The following EREG variants were observed in gnomAD, a reference collection of about 807,000 sequenced individuals.
EREG encodes the protein proepiregulin.
Under a neutral mutation model 22.4 loss-of-function variants are expected in EREG, and 23 were observed. The ratio of observed to expected loss-of-function variants is 1.03; its 90% CI spans 0.74 to 1.46. EREG has a LOEUF of 1.46. Ranked by LOEUF, EREG falls within the 40% of genes most tolerant of loss-of-function variation. The pLI, the probability that EREG is intolerant of heterozygous loss-of-function variation, is 0.00. For synonymous variants in EREG, 100 were observed against 75.4 expected (o/e 1.33, Z -1.69); for missense variants, 226 against 205.9 (o/e 1.10, Z -0.60).
intron 1 of EREG, among the ~76,000 whole-genome samples, chr4:74,376,290 TC>T (rs981830329): frequency 5.3e-5 from 8 of 152,148 alleles, no homozygotes; most frequent in African/African-American, 1.9e-4. Flanking sequence ...TGCATTTTTT[TC>T]CCCCTGGCTA....
rs567768829 is a variant in EREG at position 74,380,516 on chromosome 4, G to T, written c.155-498G>T. Among the ~76,000 whole-genome samples the T allele has an allele frequency of 2.6e-5, 4 of 152,196 alleles. No homozygotes were observed. In the East Asian group the frequency reaches 7.7e-4, roughly 29 times the overall value. On this transcript the variant is annotated intron_variant, in intron 2 of 4. Transcript: ENST00000244869. ...GGGAGACTGGTTAATTTCATTAATG[G>T]TAACCTCAGCAACTTGAAAACATAC...
In EREG at chr4:74,381,468, C is replaced by A. The variant is rs539023010; in HGVS notation, c.278+331C>A. On this transcript the variant is annotated intron_variant, in intron 3 of 4. Transcript: ENST00000244869. Reference sequence around the variant, plus strand: ...TTTCTATTTTTATATTTTGAAATTACCCTATATTTCCATGGGCTGTTAAAT... The same window carrying A: ...TTTCTATTTTTATATTTTGAAATTAACCTATATTTCCATGGGCTGTTAAAT... The A allele has an allele frequency of 3.0e-5, 5 of 166,192 alleles. No individual in the cohort carries two copies. The South Asian group carries it at 7.5e-4, about 25-fold the overall frequency. The allele number at this position is 166,192 out of a possible 1,614,324, so 10.3% of individuals were successfully genotyped here.
At chr4:74,377,042 CAG>C (rs570831847) in intron 1 of EREG, among the ~76,000 whole-genome samples, 18 of 151,284 alleles carry the variant, frequency 1.2e-4, no homozygotes, top group Non-Finnish European at 2.2e-4. Context: ...TACCAAATTA[CAG>C]AGATAGACAA....
chr4:74,367,843 A>G (rs1453366871), intron 1 of EREG, among the ~76,000 whole-genome samples: 1 of 152,136 alleles, frequency 6.6e-6, no homozygotes, highest in East Asian at 1.9e-4. Flanking sequence ...CAGCTTGGGT[A>G]ATTGGGGTGT....
chr4:74,370,072 C>T (rs12512409), intron 1 of EREG, among the ~76,000 whole-genome samples: 104,085 of 152,034 alleles, frequency 0.68, 37,146 homozygotes, highest in Non-Finnish European at 0.78. Context: ...TTTGAATACG[C>T]TTGTATCCTT....
At position 74,372,974 on chromosome 4, in the gene EREG, ATTTTTTTT is replaced by A. The variant is rs35483998; in HGVS notation, c.68-6456_68-6449del. 2.8e-3 allele frequency among the ~76,000 whole-genome samples: 178 copies of A among 63,162 alleles called. 2 individuals carry two copies. The highest frequency in any genetic ancestry group is 0.01 in the African/African-American group (155 of 14,878). The allele number at this position is 63,162 out of a possible 152,430, so 41.4% of individuals were successfully genotyped here. A position where few individuals can be genotyped will look rare whatever the true frequency, so the allele number is the denominator to read the frequency against. Reference sequence around the variant, plus strand: ...AGGCGCCCACCACCACATCTGGCTAATTTTTTTTTTTTTTTTTTTTTTTTTGGTATTTT... The same window carrying A: ...AGGCGCCCACCACCACATCTGGCTAATTTTTTTTTTTTTTTTTGGTATTTT... On this transcript the variant is annotated intron_variant, in intron 1 of 4. Transcript: ENST00000244869.
chr4:74,369,280 T>G (rs1578816258), intron 1 of EREG, among the ~76,000 whole-genome samples: 1 of 152,104 alleles, frequency 6.6e-6, no homozygotes, highest in Admixed American at 6.6e-5. Flanking sequence ...ATGTGTAGTT[T>G]TTTTTCAATC....
rs1393244897 is a variant in EREG at position 74,387,479 on chromosome 4, T to C, written c.*2671T>C. The stretch of plus-strand genomic sequence containing the variant: ...AAGTCATTTTTGTATTTTTCATCTT[T>C]AAGAATGCTTAAAAAAGCTAATCCC... On this transcript the variant is annotated 3_prime_UTR_variant, in exon 5 of 5. Transcript: ENST00000244869. The C allele has an allele frequency of 6.6e-6, 1 of 152,244 alleles. No individual in the cohort carries two copies. Among genetic ancestry groups the C allele is most frequent in the African/African-American group, 2.4e-5 (1 of 41,456 alleles). The allele number at this position is 152,244 out of a possible 1,614,324, so 9.4% of individuals were successfully genotyped here. A position where few individuals can be genotyped will look rare whatever the true frequency, so the allele number is the denominator to read the frequency against.
chr4:74,376,640 A>G (rs1752386081), intron 1 of EREG, among the ~76,000 whole-genome samples: 1 of 152,226 alleles, frequency 6.6e-6, no homozygotes, highest in South Asian at 2.1e-4. Flanking sequence ...GTAGTTCCAC[A>G]AGAGCAATTG....
intron 1 of EREG, among the ~76,000 whole-genome samples, chr4:74,377,705 A>C (rs1752404215): frequency 6.6e-6 from 1 of 152,232 alleles, no homozygotes; most frequent in African/African-American, 2.4e-5. Context: ...ATCATGGCCG[A>C]AGGCGAAGGG....
chr4:74,382,750 G>A lies in EREG; in HGVS notation c.384G>A (p.Leu128=). The change falls in exon 4 of 5, where the codon TTG becomes TTA. Residue 128 remains leucine, a synonymous_variant. Transcript: ENST00000244869. ...CTTTGACCGTGATTCTTATTATTTT[G>A]TTTCTTATCACAGTCGTCGGTTCCA... ...YVALTVILII[L]FLITVVGSTY... 1 of 1,613,638 alleles carries A rather than the reference G, an allele frequency of 6.2e-7. No individual in the cohort carries two copies. Among genetic ancestry groups the A allele is most frequent in the East Asian group, 2.2e-5 (1 of 44,856 alleles).
At chr4:74,382,622 C>A (rs759423625) in intron 3 of EREG, 23 bp from the exon 4 acceptor site, 10 of 1,551,042 alleles carry the variant, frequency 6.4e-6, no homozygotes, top group African/African-American at 1.4e-5. Flanking sequence ...ACTGATCTTT[C>A]TTTCTTCCGT....
In EREG at chr4:74,386,116, G is replaced by A. The variant is rs1294716507; in HGVS notation, c.*1308G>A. ...CCCATAGGTCTCAGAGAGTTAATAG[G>A]AGTATTTTTGGGCTATTGCATAAGG... is the stretch of plus-strand genomic sequence containing the variant. On this transcript the variant is annotated 3_prime_UTR_variant, in exon 5 of 5. Transcript: ENST00000244869. 3 of 291,996 alleles carry A rather than the reference G, an allele frequency of 1.0e-5. No homozygotes were observed. Among genetic ancestry groups the A allele is most frequent in the Non-Finnish European group, 6.3e-6 (1 of 159,228 alleles). The allele number at this position is 291,996 out of a possible 1,614,324, so 18.1% of individuals were successfully genotyped here.
chr4:74,378,114 G>A (rs1354504362), intron 1 of EREG, among the ~76,000 whole-genome samples: 1 of 152,152 alleles, frequency 6.6e-6, no homozygotes, highest in Non-Finnish European at 1.5e-5. Flanking sequence ...AACGAAACAG[G>A]TTGATTCAAA....
intron 1 of EREG, among the ~76,000 whole-genome samples, chr4:74,370,799 A>G (rs531433736): frequency 2.6e-4 from 39 of 152,238 alleles, no homozygotes; most frequent in African/African-American, 9.1e-4. Flanking sequence ...TCCAAACTTC[A>G]TTTCACCCTC....
chr4:74,372,200 A>G (rs574004045), intron 1 of EREG, among the ~76,000 whole-genome samples: 2 of 152,258 alleles, frequency 1.3e-5, no homozygotes, highest in Non-Finnish European at 2.9e-5. Context: ...GTCAACTCAA[A>G]CTATATTTTC....
intron 1 of EREG, among the ~76,000 whole-genome samples, chr4:74,378,953 CAT>C (rs1752429546): frequency 6.6e-6 from 1 of 152,146 alleles, no homozygotes; most frequent in Admixed American, 6.5e-5. Context: ...AATCTATACT[CAT>C]GTGTAATGCA....
In EREG at chr4:74,384,754, A is replaced by C; in HGVS notation, c.456A>C (p.Pro152=). ...RWYRNRKSKE[P]KKEYERVTSG... ...ACAGAAATCGAAAAAGTAAAGAACC[A>C]AAGAAGGAATATGAGAGAGTTACCT... Residue 152 remains proline, a synonymous_variant, in exon 5 of 5, where the codon CCA becomes CCC. Transcript: ENST00000244869. 1 of 1,613,126 alleles carries C rather than the reference A, an allele frequency of 6.2e-7. No individual in the cohort carries two copies. The highest frequency in any genetic ancestry group is 1.7e-5 in the Admixed American group (1 of 60,014).
chr4:74,382,591 C>T, intron 3 of EREG, 54 bp from the exon 4 acceptor site: 1 of 1,430,238 alleles, frequency 7.0e-7, no homozygotes, highest in South Asian at 1.4e-5. Context: ...TAATTCATAA[C>T]CATGATTTCC....
Sources: gnomAD v4.1 joint callset for allele counts (sites outside exome capture counted in the v4.1 genomes callset) on GRCh38, gnomAD v4.1.1 for gene constraint, MANE v1.5 for transcripts, NCBI Gene and HGNC (gene_info 2026-07-23, HGNC 2026-07-21) for gene names.